CCR3: variants seen among roughly 807,000 people sequenced by gnomAD.
The protein encoded by CCR3 is C-C motif chemokine receptor 3, also known as C-C chemokine receptor type 3.
For synonymous variants in CCR3, 203 were observed against 179.2 expected, an observed-to-expected ratio of 1.13 and a Z score of -1.06; for missense variants, 419 against 437.5, an observed-to-expected ratio of 0.96 and a Z score of 0.38.
At chr3:46,251,642 G>T (rs9873076) in intron 1 of CCR3, among the ~76,000 whole-genome samples, 49,266 of 152,006 alleles carry the variant, frequency 0.32, 8,607 homozygotes, top group East Asian at 0.6. Flanking sequence ...CACCAAACAG[G>T]CTTTGTGTGA....
At chr3:46,241,881 C>T (rs1031397972), upstream of CCR3, among the ~76,000 whole-genome samples, 9 of 152,022 alleles carry the variant, frequency 5.9e-5, no homozygotes, top group Non-Finnish European at 1.2e-4. Flanking sequence ...ATTATAAATC[C>T]CAGGTCTTTA....
At chr3:46,224,733 T>TC (rs1278876426) in intron 2 of CCR3, among the ~76,000 whole-genome samples, 53 of 54,278 alleles carry the variant, frequency 9.8e-4, no homozygotes, top group South Asian at 4.8e-3. Context: ...CAAGACTCTG[T>TC]CAAAAAAAAA....
In CCR3 at chr3:46,213,365, A is replaced by C. The variant is rs147773364; in HGVS notation, c.-68+2458A>C. ...CAGGCCAGTTACGAGAGTACAAAATAGAAGCTGTAAAGCATTTTAAGGCAT... is the reference window on the plus strand; with the variant it reads ...CAGGCCAGTTACGAGAGTACAAAATCGAAGCTGTAAAGCATTTTAAGGCAT... On this transcript the variant is annotated intron_variant, in intron 2 of 3. Coordinates refer to the CCR3 transcript ENST00000357422. Among the ~76,000 whole-genome samples, 5 of 152,382 alleles carry C rather than the reference A, an allele frequency of 3.3e-5. No homozygotes were observed. In the East Asian group the frequency reaches 9.6e-4, roughly 29 times the overall value.
In CCR3 at chr3:46,228,076, T is replaced by C. The variant is rs550529400; in HGVS notation, c.-67-14326T>C. Among the ~76,000 whole-genome samples, 8 of 152,216 alleles carry C rather than the reference T, an allele frequency of 5.3e-5. No individual in the cohort carries two copies. The East Asian group carries it at 1.4e-3, about 26-fold the overall frequency. On this transcript the variant is annotated intron_variant, in intron 2 of 3. Coordinates refer to the CCR3 transcript ENST00000357422. ...AATAGGAAGATAACATCCCACACTA[T>C]ACAGCAAGCCTTCCTGAAAATCCCT...
intron 2 of CCR3, among the ~76,000 whole-genome samples, chr3:46,222,336 A>G (rs967798357): frequency 2.6e-5 from 4 of 152,162 alleles, no homozygotes; most frequent in Admixed American, 6.5e-5. Context: ...GTCCAGTATG[A>G]TAATCTGGAG....
intron 1 of CCR3, among the ~76,000 whole-genome samples, chr3:46,254,624 A>T (rs1210353621): frequency 1.4e-5 from 2 of 146,564 alleles, no homozygotes; most frequent in African/African-American, 2.4e-5. Context: ...GTAGTCTTTT[A>T]TCCCTCACTC....
intron 2 of CCR3, among the ~76,000 whole-genome samples, chr3:46,230,554 T>C (rs1430279204): frequency 6.6e-6 from 1 of 152,052 alleles, no homozygotes; most frequent in Non-Finnish European, 1.5e-5. Flanking sequence ...CTTGGGCCCG[T>C]TGCTTAACAA....
intron 1 of CCR3, among the ~76,000 whole-genome samples, chr3:46,248,727 G>A (rs1700248667): frequency 6.6e-6 from 1 of 152,214 alleles, no homozygotes; most frequent in African/African-American, 2.4e-5. Flanking sequence ...GTCAGGGTCA[G>A]TCTAAGTGAA....
chr3:46,260,936 A>T (rs561465960), intron 1 of CCR3, among the ~76,000 whole-genome samples: 12 of 152,322 alleles, frequency 7.9e-5, no homozygotes, highest in Admixed American at 6.5e-4. Context: ...CCATTTTAAA[A>T]TCCTTGTAAT....
At chr3:46,228,397 C>T (rs998679503) in intron 2 of CCR3, among the ~76,000 whole-genome samples, 2 of 152,136 alleles carry the variant, frequency 1.3e-5, no homozygotes, top group Admixed American at 1.3e-4. Flanking sequence ...TAGTAAATAG[C>T]GAGTAACTTT....
chr3:46,266,608 T>C lies in CCR3; in HGVS notation c.*382T>C, dbSNP rs1346631990. 1 of 184,964 alleles carries C rather than the reference T, an allele frequency of 5.4e-6. No individual in the cohort carries two copies. The highest frequency in any genetic ancestry group is 1.2e-5 in the Non-Finnish European group (1 of 80,788). The allele number at this position is 184,964 out of a possible 1,614,324, so 11.5% of individuals were successfully genotyped here. On this transcript the variant is annotated 3_prime_UTR_variant, in exon 2 of 2. Transcript: ENST00000395940. ...ATATAAATAAAACATTTTCACACAA[T>C]ACAATAAGTTAACTATTTTATTTTC...
At chr3:46,226,793 T>C (rs1324766930) in intron 2 of CCR3, among the ~76,000 whole-genome samples, 1 of 152,052 alleles carries the variant, frequency 6.6e-6, no homozygotes, top group Non-Finnish European at 1.5e-5. Flanking sequence ...GTAAATGCTG[T>C]TTATCAAGTT....
chr3:46,233,382 G>A (rs977573906), intron 2 of CCR3, among the ~76,000 whole-genome samples: 2 of 152,198 alleles, frequency 1.3e-5, no homozygotes, highest in African/African-American at 4.8e-5. Flanking sequence ...TCTGGCAATC[G>A]TTTCCGTTCA....
At chr3:46,259,072 AC>A (rs1700478035) in intron 1 of CCR3, among the ~76,000 whole-genome samples, 1 of 152,224 alleles carries the variant, frequency 6.6e-6, no homozygotes, top group Non-Finnish European at 1.5e-5. Context: ...GGTCCAGGGA[AC>A]TTTCTGAGTG....
At chr3:46,230,813 C>T (rs1187357534) in intron 2 of CCR3, among the ~76,000 whole-genome samples, 1 of 152,202 alleles carries the variant, frequency 6.6e-6, no homozygotes, top group Non-Finnish European at 1.5e-5. Flanking sequence ...TTTTCCTCCA[C>T]CCTCCACACT....
At position 46,256,620 on chromosome 3, in the gene CCR3, G is replaced by A. The variant is rs150720056; in HGVS notation, c.-11-8528G>A. Among the ~76,000 whole-genome samples the A allele has an allele frequency of 5.8e-4, 89 of 152,146 alleles. 3 individuals carry two copies. In the East Asian group the frequency reaches 0.017, roughly 29 times the overall value. ...TCAGGTATACTAACAACAGTCACAA[G>A]GGTATAACAGTTATGAGCAGATGAA... is the stretch of plus-strand genomic sequence containing the variant. On this transcript the variant is annotated intron_variant, in intron 1 of 1. Coordinates refer to ENST00000395940, the MANE Select transcript of CCR3 (RefSeq NM_178329.3).
At chr3:46,235,083 TAGCCC>T (rs1356999779) in intron 2 of CCR3, among the ~76,000 whole-genome samples, 1 of 152,222 alleles carries the variant, frequency 6.6e-6, no homozygotes, top group African/African-American at 2.4e-5. Flanking sequence ...TGGGAAGCCT[TAGCCC>T]AGCTCTGCTC....
At chr3:46,212,707 C>A (rs527846180) in intron 2 of CCR3, among the ~76,000 whole-genome samples, 31 of 152,278 alleles carry the variant, frequency 2.0e-4, no homozygotes, top group African/African-American at 7.5e-4. Flanking sequence ...TCTTTGCCCC[C>A]TCTCTCCCTA....
At chr3:46,264,547 C>A in intron 1 of CCR3, 1 of 749,818 alleles carries the variant, frequency 1.3e-6, no homozygotes, top group Non-Finnish European at 2.1e-6. Context: ...GACTAAAGAT[C>A]TAGCCCAAAT....
Sources: gnomAD v4.1 joint callset for allele counts (sites outside exome capture counted in the v4.1 genomes callset) on GRCh38, gnomAD v4.1.1 for gene constraint, MANE v1.5 for transcripts, NCBI Gene and HGNC (gene_info 2026-07-23, HGNC 2026-07-21) for gene names.